The following HERC1 variants were observed in gnomAD, a reference collection of about 807,000 sequenced individuals.
HERC1 encodes probable E3 ubiquitin-protein ligase HERC1.
In HERC1, 160 loss-of-function variants were observed where a neutral mutation model predicts 554.3. The observed-to-expected ratio is 0.29, with a 90% CI of 0.25 to 0.33. The LOEUF (loss-of-function observed/expected upper bound fraction) is 0.33. Among genes scored for constraint, HERC1 ranks in the 10% least tolerant of loss-of-function variants. The pLI, the probability that HERC1 is intolerant of heterozygous loss-of-function variation, is 1.00. For missense variants in HERC1, 4,919 were observed against 5,918.5 expected, an observed-to-expected ratio of 0.83 and a Z score of 5.54; for synonymous variants, 2,175 against 2,131.7, an observed-to-expected ratio of 1.02 and a Z score of -0.56.
At chr15:63,792,484 C>T (rs4984318) in intron 1 of HERC1, among the ~76,000 whole-genome samples, 123,562 of 152,216 alleles carry the variant, frequency 0.81, 52,020 homozygotes, top group Non-Finnish European at 0.87. Context: ...GCAGAATGAA[C>T]GTGTGCTTCC....
intron 12 of HERC1, among the ~76,000 whole-genome samples, chr15:63,744,164 G>GTCTCTCTCTCTCTCTCTCTCTCTC (rs71464534): frequency 1.7e-4 from 8 of 46,222 alleles, no homozygotes; most frequent in Admixed American, 2.4e-4. Context: ...GTGTGTGTGT[G>GTCTCTCTCTCTCTCTCTCTCTCTC]TCTCTCTCTC....
At chr15:63,779,982 C>T (rs2076238456) in intron 1 of HERC1, 1 of 142,690 alleles carries the variant, frequency 7.0e-6, no homozygotes, top group South Asian at 2.2e-4. Context: ...AGACTGCACT[C>T]CAGCCTGGCG....
intron 2 of HERC1, among the ~76,000 whole-genome samples, chr15:63,769,633 C>G (rs903829783): frequency 6.6e-6 from 1 of 151,954 alleles, no homozygotes; most frequent in African/African-American, 2.4e-5. Flanking sequence ...GCAGGCAGAT[C>G]ATCTGAGGTC....
intron 1 of HERC1, among the ~76,000 whole-genome samples, chr15:63,796,871 A>G (rs972662169): frequency 2.6e-5 from 4 of 152,220 alleles, no homozygotes; most frequent in African/African-American, 7.2e-5. Context: ...TCCAGGTAAC[A>G]GGCTTCAGAG....
chr15:63,709,519 G>T (rs1314875292), intron 24 of HERC1, among the ~76,000 whole-genome samples: 1 of 152,058 alleles, frequency 6.6e-6, no homozygotes, highest in African/African-American at 2.4e-5. Context: ...AGTACAACAG[G>T]CATTATTCTC....
intron 33 of HERC1, among the ~76,000 whole-genome samples, chr15:63,686,909 C>G (rs1031163306): frequency 6.6e-6 from 1 of 152,122 alleles, no homozygotes; most frequent in Non-Finnish European, 1.5e-5. Context: ...AGCAGCTGGT[C>G]AAATGAGAGA....
rs1189687317 is a variant in HERC1, at chr15:63,674,388, C to G, written c.7800G>C (p.Val2600=). The change falls in exon 38 of 78, where the codon GTG becomes GTC. Residue 2600 remains valine, a synonymous_variant. Coordinates refer to ENST00000443617, the MANE Select transcript of HERC1 (RefSeq NM_003922.4). The part of the protein sequence containing the change: ...ERAQAMIYKL[V]VHGLLEDQFG... The stretch of plus-strand genomic sequence containing the variant: ...ACTGGTCTTCCAAAAGCCCATGAAC[C>G]ACTAATTTATAGATCATGGCTTGCG... 1.2e-6 allele frequency: 2 copies of G among 1,613,456 alleles called. No individual in the cohort carries two copies. Among genetic ancestry groups the G allele is most frequent in the East Asian group, 4.5e-5 (2 of 44,872 alleles).
intron 1 of HERC1, among the ~76,000 whole-genome samples, chr15:63,826,950 A>G (rs1354115629): frequency 6.6e-6 from 1 of 151,256 alleles, no homozygotes; most frequent in East Asian, 1.9e-4. Context: ...TAACAAAACT[A>G]CATGTGCACT....
Position 63,638,452 on chromosome 15 carries a change from T to C in HERC1, c.12052A>G (p.Met4018Val), listed in dbSNP as rs547788211. 11 of 1,613,848 alleles carry C rather than the reference T, an allele frequency of 6.8e-6. No homozygotes were observed. The East Asian group carries it at 1.6e-4, about 23-fold the overall frequency. ...GQLAEAGRNV[M>V]VPAAAPSFSQ... ...AATGAGGGAGCTGCTGCAGGTACCA[T>C]TACATTTCTTCCAGCTTCTGCCAGC... Residue 4018 changes from methionine (M) to valine (V), a missense_variant, in exon 63 of 78, where the codon ATG becomes GTG. Coordinates refer to ENST00000443617, the MANE Select transcript of HERC1 (RefSeq NM_003922.4).
At position 63,664,232 on chromosome 15, in the gene HERC1, A is replaced by C. The variant is rs1368764654; in HGVS notation, c.8680+238T>G. ...GCATTTATATAATTTCTCAAAATCT[A>C]CAAGTGGCCAGTATAGACTTCTGCA... On this transcript the variant is annotated intron_variant, in intron 43 of 77. Coordinates refer to ENST00000443617, the MANE Select transcript of HERC1 (RefSeq NM_003922.4). Among the ~76,000 whole-genome samples the C allele has an allele frequency of 9.2e-5, 14 of 152,360 alleles. No individual in the cohort carries two copies. The East Asian group carries it at 2.7e-3, about 29-fold the overall frequency.
chr15:63,611,690 C>G (rs2067599051), intron 77 of HERC1, among the ~76,000 whole-genome samples: 1 of 152,214 alleles, frequency 6.6e-6, no homozygotes, highest in African/African-American at 2.4e-5. Context: ...CAGGAAGATG[C>G]TGGAAGATTT....
intron 64 of HERC1, among the ~76,000 whole-genome samples, 153 bp from the exon 65 acceptor site, chr15:63,636,295 G>A (rs2152822172): frequency 1.3e-5 from 2 of 149,346 alleles, no homozygotes; most frequent in Middle Eastern, 3.4e-3. Context: ...TTTTTAGATG[G>A]AGTCTCACTC....
rs570485035 is a variant in HERC1, at chr15:63,788,961, T to G, written c.-26-13312A>C. ...CCAGGAATATAATGATGGCTCAACATAGGCAAATCTATTAACATTAACCAA... is the reference window on the plus strand; with the variant it reads ...CCAGGAATATAATGATGGCTCAACAGAGGCAAATCTATTAACATTAACCAA... On this transcript the variant is annotated intron_variant, in intron 1 of 77. Transcript: ENST00000443617. 2.0e-5 allele frequency among the ~76,000 whole-genome samples: 3 copies of G among 151,152 alleles called. No homozygotes were observed. The East Asian group carries it at 5.9e-4, about 30-fold the overall frequency.
chr15:63,714,545 GTTTT>G (rs773905620), intron 22 of HERC1, among the ~76,000 whole-genome samples: 1 of 95,828 alleles, frequency 1.0e-5, no homozygotes, highest in Admixed American at 1.3e-4. Flanking sequence ...TCCTTTTTCT[GTTTT>G]TTTTTTTTTT....
At chr15:63,819,766 A>G (rs2077622046) in intron 1 of HERC1, among the ~76,000 whole-genome samples, 1 of 152,156 alleles carries the variant, frequency 6.6e-6, no homozygotes, top group Admixed American at 6.5e-5. Context: ...AAACTATGTC[A>G]TTGAGGCTGG....
chr15:63,821,297 G>C (rs1318306843), intron 1 of HERC1, among the ~76,000 whole-genome samples: 1 of 151,946 alleles, frequency 6.6e-6, no homozygotes, highest in Non-Finnish European at 1.5e-5. Flanking sequence ...GCTCACACCT[G>C]TAATCCCAGA....
rs2067646673 is a variant in HERC1, at chr15:63,612,576, C to T, written c.14095-20G>A. The T allele has an allele frequency of 6.2e-7, 1 of 1,604,978 alleles. No individual in the cohort carries two copies. The highest frequency in any genetic ancestry group is 1.3e-5 in the African/African-American group (1 of 74,898). On this transcript the variant is annotated intron_variant, in intron 76 of 77. Transcript: ENST00000443617. The surrounding 1 kb of genome is among the most constrained non-coding windows in gnomAD (Gnocchi z 5.0). Reference sequence around the variant, plus strand: ...AGCCACCTGCTCCCGGGAGAGGTTGCTCATTCAATGAGTGTGCGTGAACCT... The same window carrying T: ...AGCCACCTGCTCCCGGGAGAGGTTGTTCATTCAATGAGTGTGCGTGAACCT...
chr15:63,713,123 G>C (rs368044703), intron 23 of HERC1, among the ~76,000 whole-genome samples: 27 of 152,344 alleles, frequency 1.8e-4, no homozygotes, highest in African/African-American at 5.5e-4. Context: ...CACTGCTGTT[G>C]TTTATATATA....
chr15:63,732,385 T>G (rs138304970), intron 14 of HERC1, among the ~76,000 whole-genome samples: 2 of 152,272 alleles, frequency 1.3e-5, no homozygotes, highest in African/African-American at 4.8e-5. Context: ...AGCAGTAAGA[T>G]GCTGAGAAGA....
Sources: gnomAD v4.1 joint callset for allele counts (sites outside exome capture counted in the v4.1 genomes callset) on GRCh38, gnomAD v4.1.1 for gene constraint, Gnocchi (gnomAD v3.1) non-coding constraint, MANE v1.5 for transcripts, NCBI Gene and HGNC (gene_info 2026-07-23, HGNC 2026-07-21) for gene names.